The following CDH4 variants were observed in gnomAD, a reference collection of about 807,000 sequenced individuals.
The protein encoded by CDH4 is cadherin 4.
A neutral mutation model predicts 86.0 loss-of-function variants in CDH4; 33 were observed. The observed-to-expected ratio is 0.38, with a 90% CI of 0.29 to 0.51. The LOEUF is 0.51. CDH4 is among the 20% of genes least tolerant of loss of function. The probability of loss-of-function intolerance (pLI) is 0.86; values close to 1 mark genes in which losing one functional copy is unlikely to be tolerated. For missense variants in CDH4, 1,114 were observed against 1,307.4 expected (o/e 0.85, Z 2.28); for synonymous variants, 555 against 549.4 (o/e 1.01, Z -0.14).
chr20:61,766,989 G>A (rs1349561851), intron 3 of CDH4, among the ~76,000 whole-genome samples: 1 of 152,244 alleles, frequency 6.6e-6, no homozygotes, highest in African/African-American at 2.4e-5. Flanking sequence ...TCAAGATGGT[G>A]GGCCACAGGT....
intron 3 of CDH4, among the ~76,000 whole-genome samples, chr20:61,770,142 A>G (rs2088757022): frequency 6.6e-6 from 1 of 152,172 alleles, no homozygotes; most frequent in African/African-American, 2.4e-5. Context: ...TGAGGAGCCT[A>G]GAAAAGCCCC....
At chr20:61,665,544 C>T (rs1251625806) in intron 2 of CDH4, among the ~76,000 whole-genome samples, 2 of 152,204 alleles carry the variant, frequency 1.3e-5, no homozygotes, top group Admixed American at 6.5e-5. Context: ...CCGAGGTCCC[C>T]GTCAGATCTC....
intron 2 of CDH4, among the ~76,000 whole-genome samples, chr20:61,586,030 A>T (rs2086470335): frequency 6.9e-6 from 1 of 144,654 alleles, no homozygotes; most frequent in African/African-American, 2.6e-5. Context: ...GGTGATGGTG[A>T]TGATGTGGTG....
intron 2 of CDH4, among the ~76,000 whole-genome samples, chr20:61,691,895 T>G (rs1228592312): frequency 6.6e-6 from 1 of 152,238 alleles, no homozygotes; most frequent in African/African-American, 2.4e-5. Flanking sequence ...TATATATGCA[T>G]GTATGTTTGA....
chr20:61,854,946 G>A (rs1982932065), intron 6 of CDH4, among the ~76,000 whole-genome samples: 1 of 144,272 alleles, frequency 6.9e-6, no homozygotes, highest in African/African-American at 2.6e-5. Flanking sequence ...AGTGTGAACA[G>A]GGTGAATTGC....
chr20:61,406,873 G>T (rs1173687087), intron 2 of CDH4, among the ~76,000 whole-genome samples: 1 of 132,700 alleles, frequency 7.5e-6, no homozygotes, highest in Non-Finnish European at 1.6e-5. Flanking sequence ...TGCTCTGCCC[G>T]GACCACCATC....
intron 4 of CDH4, among the ~76,000 whole-genome samples, chr20:61,803,600 G>A (rs1057288379): frequency 1.3e-5 from 2 of 152,244 alleles, no homozygotes; most frequent in Non-Finnish European, 2.9e-5. Context: ...CCGCAGGCCT[G>A]GTGGCCTGGA....
intron 8 of CDH4, among the ~76,000 whole-genome samples, chr20:61,904,764 G>A (rs1434665136): frequency 6.6e-6 from 1 of 152,250 alleles, no homozygotes; most frequent in East Asian, 1.9e-4. Context: ...GCAGATGCGG[G>A]ACTTCTCCCT....
intron 2 of CDH4, among the ~76,000 whole-genome samples, chr20:61,483,564 G>A (rs941167940): frequency 5.9e-5 from 9 of 152,190 alleles, no homozygotes; most frequent in Admixed American, 5.9e-4. Flanking sequence ...AACATACTGT[G>A]AGCTGAGGCC....
At chr20:61,433,660 C>T (rs907232563) in intron 2 of CDH4, among the ~76,000 whole-genome samples, 1 of 152,114 alleles carries the variant, frequency 6.6e-6, no homozygotes, top group Non-Finnish European at 1.5e-5. Flanking sequence ...GCCAGCAAGC[C>T]GGGCTAGAGG....
chr20:61,631,574 G>C (rs926936902), intron 2 of CDH4, among the ~76,000 whole-genome samples: 1 of 152,174 alleles, frequency 6.6e-6, no homozygotes, highest in South Asian at 2.1e-4. Context: ...AACCTCGGGG[G>C]CAGAGGTTGC....
chr20:61,885,991 G>A (rs546032633), intron 7 of CDH4, among the ~76,000 whole-genome samples: 12 of 152,354 alleles, frequency 7.9e-5, no homozygotes, highest in East Asian at 7.7e-4. Context: ...AGCCGCCGTC[G>A]TGCTGGGACT....
At chr20:61,707,213 G>C (rs1451387594) in intron 2 of CDH4, among the ~76,000 whole-genome samples, 1 of 152,270 alleles carries the variant, frequency 6.6e-6, no homozygotes, top group Non-Finnish European at 1.5e-5. Context: ...CCTGAGGACA[G>C]CACCCGCTTT....
At chr20:61,728,827 C>T (rs1222667254) in intron 2 of CDH4, among the ~76,000 whole-genome samples, 4 of 152,150 alleles carry the variant, frequency 2.6e-5, no homozygotes, top group Non-Finnish European at 5.9e-5. Flanking sequence ...AAATAACTCG[C>T]ACTTCTCCAC....
intron 2 of CDH4, among the ~76,000 whole-genome samples, chr20:61,730,285 G>A (rs929862434): frequency 2.6e-5 from 4 of 152,110 alleles, no homozygotes; most frequent in Non-Finnish European, 5.9e-5. Context: ...ACCTCACAGT[G>A]CTGCTTCCCT....
At chr20:61,610,906 G>T (rs1439150474) in intron 2 of CDH4, among the ~76,000 whole-genome samples, 3 of 151,102 alleles carry the variant, frequency 2.0e-5, no homozygotes, top group African/African-American at 7.4e-5. Context: ...ACCTGCAGAA[G>T]ACCCAGTAAG....
chr20:61,736,380 A>ATGTCCTCATTCCCC (rs2088262968), intron 2 of CDH4, among the ~76,000 whole-genome samples: 3 of 152,098 alleles, frequency 2.0e-5, no homozygotes, highest in Non-Finnish European at 4.4e-5. Flanking sequence ...ATGTCCACGG[A>ATGTCCTCATTCCCC]AGGGTCCTGT....
At chr20:61,861,656 G>T (rs1257024612) in intron 6 of CDH4, among the ~76,000 whole-genome samples, 3 of 152,140 alleles carry the variant, frequency 2.0e-5, no homozygotes, top group Admixed American at 1.3e-4. Context: ...AGAGCTCAAG[G>T]CGTCGGGCCG....
chr20:61,449,869 A>G (rs757143767), intron 2 of CDH4, among the ~76,000 whole-genome samples: 3 of 152,208 alleles, frequency 2.0e-5, no homozygotes, highest in Non-Finnish European at 4.4e-5. Flanking sequence ...GGTACTTCAT[A>G]TGGTAATTTC....
Sources: gnomAD v4.1 joint callset for allele counts (sites outside exome capture counted in the v4.1 genomes callset) on GRCh38, gnomAD v4.1.1 for gene constraint, MANE v1.5 for transcripts, NCBI Gene and HGNC (gene_info 2026-07-23, HGNC 2026-07-21) for gene names.